Variants in DNM3 observed in about 807,000 individuals in gnomAD.
DNM3 encodes dynamin 3, also known as dynamin-3.
A neutral mutation model predicts 101.6 loss-of-function variants in DNM3; 47 were observed. The observed-to-expected ratio is 0.46, with a 90% CI of 0.37 to 0.59. DNM3 has a LOEUF of 0.59. DNM3 is among the 20% of genes least tolerant of loss of function. The pLI, the probability that DNM3 is intolerant of heterozygous loss-of-function variation, is 0.00. For missense variants in DNM3, 849 were observed against 1,085.7 expected, an observed-to-expected ratio of 0.78 and a Z score of 3.06; for synonymous variants, 385 against 387.9, an observed-to-expected ratio of 0.99 and a Z score of 0.09.
At chr1:171,945,924 G>T (rs1213491891) in intron 2 of DNM3, among the ~76,000 whole-genome samples, 4 of 152,158 alleles carry the variant, frequency 2.6e-5, no homozygotes, top group Non-Finnish European at 4.4e-5. Flanking sequence ...CCACGGTAAG[G>T]CAGTTTAGCA....
chr1:172,193,908 G>C (rs1427803887), intron 14 of DNM3, among the ~76,000 whole-genome samples: 1 of 152,038 alleles, frequency 6.6e-6, no homozygotes, highest in Admixed American at 6.6e-5. Flanking sequence ...GCTAGCTTTT[G>C]AATGTGTTTG....
At chr1:172,401,208 A>T (rs566074085) in intron 20 of DNM3, among the ~76,000 whole-genome samples, 104 of 152,316 alleles carry the variant, frequency 6.8e-4, no homozygotes, top group Non-Finnish European at 5.3e-4. Flanking sequence ...AACCAACTTA[A>T]ACACACTTTC....
At chr1:172,116,822 T>C (rs1174525387) in intron 13 of DNM3, among the ~76,000 whole-genome samples, 3 of 152,156 alleles carry the variant, frequency 2.0e-5, no homozygotes, top group Non-Finnish European at 4.4e-5. Context: ...TTTTTAGTCA[T>C]GAAAACTTTT....
chr1:171,962,527 C>A (rs573692914), intron 2 of DNM3, among the ~76,000 whole-genome samples: 65 of 152,188 alleles, frequency 4.3e-4, no homozygotes, highest in African/African-American at 1.5e-3. Flanking sequence ...ATTTATTTCT[C>A]ACGGTTCTGG....
chr1:171,985,272 CCTTTTAATTTTTG>C (rs779365418), intron 2 of DNM3, among the ~76,000 whole-genome samples: 137 of 152,168 alleles, frequency 9.0e-4, no homozygotes, highest in Middle Eastern at 3.4e-3. Context: ...TCTAATTTTT[CCTTTTAATTTTTG>C]CTTGTTTTCT....
chr1:172,061,786 C>T (rs1416267125), intron 10 of DNM3, among the ~76,000 whole-genome samples: 1 of 151,260 alleles, frequency 6.6e-6, no homozygotes, highest in East Asian at 1.9e-4. Context: ...CAGCATGGCA[C>T]ATGTATACAT....
At chr1:172,174,233 G>C (rs2059072946) in intron 14 of DNM3, among the ~76,000 whole-genome samples, 1 of 151,514 alleles carries the variant, frequency 6.6e-6, no homozygotes, top group Admixed American at 6.6e-5. Flanking sequence ...CAAATTTGAT[G>C]GTTGAGTATA....
At chr1:172,276,557 A>ATGTGTGTGTGTGTGTGTGTGTGTGTG in intron 15 of DNM3, among the ~76,000 whole-genome samples, 1 of 144,364 alleles carries the variant, frequency 6.9e-6, no homozygotes, top group African/African-American at 2.6e-5. Flanking sequence ...AAAAATCTTA[A>ATGTGTGTGTGTGTGTGTGTGTGTGTG]TGTGTGTGTG....
At chr1:172,008,473 T>C (rs1446222761) in intron 4 of DNM3, among the ~76,000 whole-genome samples, 1 of 151,964 alleles carries the variant, frequency 6.6e-6, no homozygotes, top group East Asian at 1.9e-4. Flanking sequence ...TCTTCTCCAA[T>C]GTGTGTTCTT....
chr1:172,355,254 C>T (rs1171379185), intron 17 of DNM3, among the ~76,000 whole-genome samples: 1 of 152,020 alleles, frequency 6.6e-6, no homozygotes, highest in Non-Finnish European at 1.5e-5. Context: ...CACACACACA[C>T]ACAAAGCCAT....
chr1:171,845,482 G>C (rs772680529), intron 1 of DNM3, among the ~76,000 whole-genome samples: 4 of 152,212 alleles, frequency 2.6e-5, no homozygotes, highest in Non-Finnish European at 4.4e-5. Context: ...GAGTCCAGGA[G>C]GTCAAAGCTG....
At chr1:172,168,450 A>G (rs114138908) in intron 14 of DNM3, among the ~76,000 whole-genome samples, 1,657 of 152,044 alleles carry the variant, frequency 0.011, 23 homozygotes, top group African/African-American at 0.037. Flanking sequence ...CAATTGTTCT[A>G]TTATCGAGAC....
At chr1:171,911,876 C>T (rs2039338663) in intron 1 of DNM3, among the ~76,000 whole-genome samples, 1 of 152,034 alleles carries the variant, frequency 6.6e-6, no homozygotes, top group Non-Finnish European at 1.5e-5. Flanking sequence ...CTTTTCTAGT[C>T]ACTGTCGTGT....
chr1:172,098,707 A>G (rs939614955), intron 13 of DNM3, among the ~76,000 whole-genome samples: 8 of 152,212 alleles, frequency 5.3e-5, no homozygotes, highest in Non-Finnish European at 1.0e-4. Flanking sequence ...AAAAGTATTA[A>G]TTTGGGGAAC....
At chr1:172,107,520 A>G (rs1030652456) in intron 13 of DNM3, among the ~76,000 whole-genome samples, 1 of 152,202 alleles carries the variant, frequency 6.6e-6, no homozygotes, top group Non-Finnish European at 1.5e-5. Context: ...AGAACTCTGG[A>G]TCTTTCAATT....
At chr1:172,098,894 G>C (rs921312057) in intron 13 of DNM3, among the ~76,000 whole-genome samples, 1 of 152,216 alleles carries the variant, frequency 6.6e-6, no homozygotes, top group Non-Finnish European at 1.5e-5. Flanking sequence ...CAAGGAACTT[G>C]GAGGAAGTTG....
chr1:172,173,508 A>T (rs1286606103), intron 14 of DNM3, among the ~76,000 whole-genome samples: 1 of 150,358 alleles, frequency 6.7e-6, no homozygotes. Flanking sequence ...TTTTTTTTAA[A>T]CAAGGTCTTG....
intron 4 of DNM3, among the ~76,000 whole-genome samples, chr1:172,006,768 C>A (rs920299274): frequency 1.6e-4 from 24 of 151,982 alleles, no homozygotes; most frequent in Admixed American, 2.0e-4. Context: ...ACATTTTCAT[C>A]ACCCATAAAA....
chr1:172,008,843 ATATAT>A (rs1293294102), intron 4 of DNM3, among the ~76,000 whole-genome samples: 155 of 138,994 alleles, frequency 1.1e-3, no homozygotes, highest in African/African-American at 2.9e-3. Context: ...ATATATATTA[ATATAT>A]TATATTATAT....
Sources: gnomAD v4.1 joint callset for allele counts (sites outside exome capture counted in the v4.1 genomes callset) on GRCh38, gnomAD v4.1.1 for gene constraint, MANE v1.5 for transcripts, NCBI Gene and HGNC (gene_info 2026-07-23, HGNC 2026-07-21) for gene names.